Variants in ACSM3 observed in about 807,000 individuals in gnomAD.
The protein encoded by ACSM3 is acyl-CoA synthetase medium chain family member 3, also known as acyl-coenzyme A synthetase ACSM3, mitochondrial.
A neutral mutation model predicts 74.1 loss-of-function variants in ACSM3; 61 were observed. The ratio of observed to expected loss-of-function variants is 0.82; its 90% CI spans 0.67 to 1.02. ACSM3 has a LOEUF of 1.02. Among genes scored for constraint, ACSM3 ranks in the 50% least tolerant of loss-of-function variants. The pLI, the probability that ACSM3 is intolerant of heterozygous loss-of-function variation, is 0.00. For synonymous variants in ACSM3, 213 were observed against 241.5 expected (o/e 0.88, Z 1.09); for missense variants, 660 against 697.0 (o/e 0.95, Z 0.60).
chr16:20,790,466 A>G lies in ACSM3; in HGVS notation c.1225-121A>G, dbSNP rs1315197944. ...AGTGAGACCTTGTCTCACACACACA[A>G]AATTTTTTTTAAGTCTTCATTTTTA... On this transcript the variant is annotated intron_variant, in intron 9 of 13. Transcript: ENST00000289416. This position sits in a 1 kb window ranked among gnomAD's most constrained non-coding sequence, Gnocchi z 4.0. 1.1e-6 allele frequency: 1 copy of G among 950,898 alleles called. No individual in the cohort carries two copies. The highest frequency in any genetic ancestry group is 1.7e-5 in the African/African-American group (1 of 60,108). The allele number at this position is 950,898 out of a possible 1,614,324, so 58.9% of individuals were successfully genotyped here. A position where few individuals can be genotyped will look rare whatever the true frequency, so the allele number is the denominator to read the frequency against.
intron 12 of ACSM3, among the ~76,000 whole-genome samples, chr16:20,793,527 C>T (rs1158484258): frequency 6.6e-6 from 1 of 152,168 alleles, no homozygotes; most frequent in Non-Finnish European, 1.5e-5. Context: ...GTGCATGTTA[C>T]AGTGGAGGGT....
chr16:20,780,467 A>G lies in ACSM3; in HGVS notation c.639-247A>G, dbSNP rs752751049. The G allele has an allele frequency of 9.9e-6, 7 of 706,986 alleles. No individual in the cohort carries two copies. In the South Asian group the frequency reaches 1.2e-4, roughly 12 times the overall value. The allele number at this position is 706,986 out of a possible 1,614,324, so 43.8% of individuals were successfully genotyped here. On this transcript the variant is annotated intron_variant, in intron 4 of 13. Coordinates refer to ENST00000289416, the MANE Select transcript of ACSM3 (RefSeq NM_005622.4). Reference sequence around the variant, plus strand: ...AAAAATGCTTCAATCCTTCTTTATCATAGAATAAAAAGCTAGGAAAGCAGC... The same window carrying G: ...AAAAATGCTTCAATCCTTCTTTATCGTAGAATAAAAAGCTAGGAAAGCAGC...
intron 1 of ACSM3, among the ~76,000 whole-genome samples, chr16:20,708,328 G>A (rs974139508): frequency 6.6e-6 from 1 of 152,050 alleles, no homozygotes; most frequent in Admixed American, 6.6e-5. Context: ...CAACAACAGC[G>A]ACACCTTTTG....
At chr16:20,732,229 C>G (rs2079834935) in intron 1 of ACSM3, among the ~76,000 whole-genome samples, 2 of 151,992 alleles carry the variant, frequency 1.3e-5, no homozygotes, top group African/African-American at 4.8e-5. Flanking sequence ...TGAAGATGGC[C>G]CTGTAGTTTC....
chr16:20,741,480 G>GGGGGGGGGGGGCC, intron 1 of ACSM3: 1 of 1,340,424 alleles, frequency 7.5e-7, no homozygotes, highest in Non-Finnish European at 9.7e-7. Context: ...CCTGGCAGCC[G>GGGGGGGGGGGGCC]GCCCGCCCGC....
chr16:20,727,146 A>G (rs1253260928), intron 1 of ACSM3, among the ~76,000 whole-genome samples: 1 of 152,232 alleles, frequency 6.6e-6, no homozygotes, highest in African/African-American at 2.4e-5. Context: ...AATTTTTGTT[A>G]TAATCACTAA....
intron 1 of ACSM3, among the ~76,000 whole-genome samples, chr16:20,742,379 C>T (rs921272471): frequency 1.3e-5 from 2 of 152,026 alleles, no homozygotes; most frequent in African/African-American, 2.4e-5. Flanking sequence ...CAGGGTCGGC[C>T]GGGCACGGTG....
Position 20,777,533 on chromosome 16 carries a change from A to G in ACSM3, c.591A>G (p.Val197=). 1 of 1,614,136 alleles carries G rather than the reference A, an allele frequency of 6.2e-7. No homozygotes were observed. The highest frequency in any genetic ancestry group is 8.5e-7 in the Non-Finnish European group (1 of 1,180,008). The change falls in exon 4 of 14, where the codon GTA becomes GTG. Residue 197 remains valine (V), a synonymous_variant. Coordinates refer to ENST00000289416, the MANE Select transcript of ACSM3 (RefSeq NM_005622.4). ...AAAATCTGCACTCCAAGCTGATTGT[A>G]TCAGAGAACTCCAGAGAGGGGTGGG... ...KCENLHSKLI[V]SENSREGWGN...
At chr16:20,743,600 T>C (rs2079945996) in intron 1 of ACSM3, 2 of 152,312 alleles carry the variant, frequency 1.3e-5, no homozygotes, top group South Asian at 4.1e-4. Flanking sequence ...GAATTCACAG[T>C]CAATAAACCC....
intron 2 of ACSM3, among the ~76,000 whole-genome samples, chr16:20,753,413 G>A (rs2080003392): frequency 1.4e-5 from 2 of 145,310 alleles, no homozygotes; most frequent in Non-Finnish European, 3.0e-5. Flanking sequence ...GCAATGAGCT[G>A]AGATTGCACC....
chr16:20,784,968 C>A lies in ACSM3; in HGVS notation c.1020-16C>A. On this transcript the variant is annotated splice_polypyrimidine_tract_variant and intron_variant, in intron 7 of 13. Transcript: ENST00000289416. ...ATTTTTCCTCCTAAATCTAACTTAT[C>A]TGGTTTTCTGAGAAGCTATAAGTTT... 1 of 1,603,614 alleles carries A rather than the reference C, an allele frequency of 6.2e-7. No individual in the cohort carries two copies. The highest frequency in any genetic ancestry group is 1.1e-5 in the South Asian group (1 of 89,644).
chr16:20,785,632 G>A (rs1282749848), intron 8 of ACSM3, among the ~76,000 whole-genome samples: 3 of 152,056 alleles, frequency 2.0e-5, no homozygotes, highest in Non-Finnish European at 4.4e-5. Context: ...GAACAACAGT[G>A]GTTATTTTGT....
intron 1 of ACSM3, among the ~76,000 whole-genome samples, chr16:20,698,140 G>C (rs1430523071): frequency 6.7e-6 from 1 of 149,190 alleles, no homozygotes; most frequent in Non-Finnish European, 1.5e-5. Flanking sequence ...CTTGCAGTGA[G>C]CCGAGATCAT....
chr16:20,729,399 G>T (rs966556004), intron 1 of ACSM3: 10 of 1,144,328 alleles, frequency 8.7e-6, no homozygotes, highest in Middle Eastern at 2.0e-4. Context: ...GATTGACAGG[G>T]GGGGAGCTCT....
chr16:20,741,441 T>C, intron 1 of ACSM3: 3 of 1,459,788 alleles, frequency 2.1e-6, no homozygotes, highest in Admixed American at 2.6e-5. Context: ...CCAGCAGCCA[T>C]CCCTCCACCC....
At chr16:20,760,006 G>C (rs989315047), upstream of ACSM3, among the ~76,000 whole-genome samples, 4 of 152,084 alleles carry the variant, frequency 2.6e-5, no homozygotes, top group Admixed American at 6.6e-5. Context: ...GCAGCTACAG[G>C]GGGTGGCGGG....
intron 1 of ACSM3, among the ~76,000 whole-genome samples, chr16:20,710,080 C>A (rs998109790): frequency 6.6e-6 from 1 of 152,206 alleles, no homozygotes; most frequent in African/African-American, 2.4e-5. Flanking sequence ...CTAATTAGGA[C>A]GTGCATGTTC....
intron 12 of ACSM3, among the ~76,000 whole-genome samples, chr16:20,793,903 C>T (rs778294444): frequency 1.3e-5 from 2 of 152,150 alleles, no homozygotes; most frequent in East Asian, 1.9e-4. Flanking sequence ...ACAGGGTTAG[C>T]TTGGCAGCCA....
chr16:20,792,667 A>G, intron 12 of ACSM3: 2 of 985,426 alleles, frequency 2.0e-6, no homozygotes, highest in Non-Finnish European at 1.2e-6. Context: ...GGATGGGATC[A>G]AATTGTTACC....
Sources: allele counts gnomAD v4.1 joint callset (sites outside exome capture counted in the v4.1 genomes callset), GRCh38; gene constraint gnomAD v4.1.1; non-coding constraint Gnocchi (gnomAD v3.1); transcripts MANE v1.5; gene names NCBI Gene and HGNC (gene_info 2026-07-23, HGNC 2026-07-21).